The following PLOD2 variants were observed in gnomAD, a reference collection of about 807,000 sequenced individuals.
The protein encoded by PLOD2 is lysine hydroxylase 2.
A neutral mutation model predicts 101.0 loss-of-function variants in PLOD2; 65 were observed. That is an observed-to-expected ratio of 0.64 (90% CI 0.53 to 0.79). The LOEUF (loss-of-function observed/expected upper bound fraction) is 0.79, where lower values mean the gene tolerates loss of function less well. Ranked by LOEUF, PLOD2 falls within the 30% of genes least tolerant of loss-of-function variation. The pLI is 0.00. For synonymous variants in PLOD2, 314 were observed against 302.9 expected, an observed-to-expected ratio of 1.04 and a Z score of -0.38; for missense variants, 909 against 914.6, an observed-to-expected ratio of 0.99 and a Z score of 0.08.
intron 4 of PLOD2, among the ~76,000 whole-genome samples, chr3:146,108,390 C>T (rs1022087338): frequency 6.6e-6 from 1 of 152,054 alleles, no homozygotes; most frequent in Non-Finnish European, 1.5e-5. Context: ...CCCTACGTTG[C>T]ACAGCCTGGC....
At chr3:146,077,170 T>C in intron 14 of PLOD2, 1 of 1,056,830 alleles carries the variant, frequency 9.5e-7, no homozygotes, top group Non-Finnish European at 1.1e-6. Context: ...TGATCCTAGA[T>C]GTAGACATCG....
chr3:146,119,562 A>G lies in PLOD2; in HGVS notation c.338+1550T>C, dbSNP rs942442453. Among the ~76,000 whole-genome samples, 3 of 151,962 alleles carry G rather than the reference A, an allele frequency of 2.0e-5. No individual in the cohort carries two copies. In the South Asian group the frequency reaches 6.2e-4, roughly 32 times the overall value. The stretch of plus-strand genomic sequence containing the variant: ...ACCCAGTAACTTGTCATTTAACATT[A>G]GGTATATCTCCTAATGCTATCCCTC... On this transcript the variant is annotated intron_variant, in intron 3 of 19. Coordinates refer to ENST00000282903, the MANE Select transcript of PLOD2 (RefSeq NM_182943.3).
At chr3:146,129,679 T>G (rs948196702) in intron 1 of PLOD2, among the ~76,000 whole-genome samples, 1 of 152,212 alleles carries the variant, frequency 6.6e-6, no homozygotes, top group Admixed American at 6.5e-5. Flanking sequence ...CTGTAGGTGA[T>G]GTGCAAAACT....
In PLOD2 at chr3:146,086,885, G is replaced by A; in HGVS notation, c.1029C>T (p.Ile343=). The A allele has an allele frequency of 6.6e-7, 1 of 1,512,152 alleles. No individual in the cohort carries two copies. The highest frequency in any genetic ancestry group is 9.1e-7 in the Non-Finnish European group (1 of 1,101,150). The allele number at this position is 1,512,152 out of a possible 1,614,324, so 93.7% of individuals were successfully genotyped here. The change falls in exon 10 of 20, where the codon ATC becomes ATT. Residue 343 remains isoleucine, a synonymous_variant. Transcript: ENST00000282903. ...HNKEVYHEKD[I]KVFFDKAKHE... ...GCTTAGCTTTATCAAAAAATACCTT[G>A]ATGTCCTTTTCATGATAAACTTCCT...
At chr3:146,118,368 C>A (rs1042887205) in intron 3 of PLOD2, among the ~76,000 whole-genome samples, 1 of 152,004 alleles carries the variant, frequency 6.6e-6, no homozygotes, top group African/African-American at 2.4e-5. Context: ...TGTTATGTAT[C>A]TTTTGAAAAT....
chr3:146,123,270 T>C, intron 2 of PLOD2: 1 of 1,140,482 alleles, frequency 8.8e-7, no homozygotes, highest in South Asian at 1.8e-5. Context: ...CCTACCTAGG[T>C]ATCTCCTTGT....
intron 10 of PLOD2, chr3:146,086,166 G>C (rs1936758371): frequency 6.6e-6 from 1 of 152,222 alleles, no homozygotes; most frequent in Admixed American, 6.6e-5. Context: ...AGGCATGAGG[G>C]TTCGTAGTAG....
At chr3:146,127,110 A>G (rs2030611948) in intron 1 of PLOD2, among the ~76,000 whole-genome samples, 1 of 152,232 alleles carries the variant, frequency 6.6e-6, no homozygotes, top group Admixed American at 6.5e-5. Flanking sequence ...GTTAAAAAAC[A>G]TAAAACTTTA....
intron 7 of PLOD2, among the ~76,000 whole-genome samples, chr3:146,101,474 G>A (rs1937387829): frequency 6.6e-6 from 1 of 152,204 alleles, no homozygotes; most frequent in African/African-American, 2.4e-5. Context: ...GAGCATTCAA[G>A]TAGGACCAAA....
intron 1 of PLOD2, among the ~76,000 whole-genome samples, chr3:146,154,380 G>A (rs1485999095): frequency 6.6e-6 from 1 of 151,770 alleles, no homozygotes; most frequent in East Asian, 1.9e-4. Context: ...TGTCACTTCT[G>A]TATTGATAAT....
chr3:146,088,079 T>C (rs777143125), intron 9 of PLOD2, among the ~76,000 whole-genome samples: 3 of 151,668 alleles, frequency 2.0e-5, no homozygotes, highest in Non-Finnish European at 4.4e-5. Flanking sequence ...TTGGATAATA[T>C]GTAGGAGGTA....
In PLOD2 at chr3:146,111,216, A is replaced by C. The variant is rs1035328847; in HGVS notation, c.339-768T>G. Among the ~76,000 whole-genome samples the C allele has an allele frequency of 3.9e-5, 6 of 152,204 alleles. 1 individual carries two copies. The highest frequency in any genetic ancestry group is 1.4e-4 in the African/African-American group (6 of 41,474). ...TGCAATAAGTTCTTTATTCATTACAATCACAAATTATTTTACATTTTTTTA... is the reference window on the plus strand; with the variant it reads ...TGCAATAAGTTCTTTATTCATTACACTCACAAATTATTTTACATTTTTTTA... On this transcript the variant is annotated intron_variant, in intron 3 of 19. Transcript: ENST00000282903.
chr3:146,133,054 T>C (rs1441656178), intron 1 of PLOD2, among the ~76,000 whole-genome samples: 1 of 152,098 alleles, frequency 6.6e-6, no homozygotes, highest in East Asian at 1.9e-4. Flanking sequence ...CTGGCACCTG[T>C]AGTCCCAGCT....
intron 8 of PLOD2, among the ~76,000 whole-genome samples, chr3:146,090,241 G>T (rs2108026915): frequency 6.6e-6 from 1 of 151,240 alleles, no homozygotes; most frequent in Non-Finnish European, 1.5e-5. Context: ...CATTATGATA[G>T]GCTTGGGATT....
At chr3:146,141,557 A>C (rs929812666) in intron 1 of PLOD2, among the ~76,000 whole-genome samples, 12 of 152,084 alleles carry the variant, frequency 7.9e-5, no homozygotes, top group African/African-American at 2.7e-4. Context: ...CTTTCAACAG[A>C]TACTGACATT....
At chr3:146,106,475 A>C (rs957521980) in intron 5 of PLOD2, 57 bp downstream of exon 5, 10 of 831,702 alleles carry the variant, frequency 1.2e-5, no homozygotes, top group Admixed American at 3.4e-5. Context: ...CATTAACACA[A>C]TATAACACAC....
At chr3:146,098,201 C>A (rs1937271609) in intron 7 of PLOD2, among the ~76,000 whole-genome samples, 1 of 152,028 alleles carries the variant, frequency 6.6e-6, no homozygotes, top group African/African-American at 2.4e-5. Context: ...GCACATGTAT[C>A]CAAGAACTTA....
chr3:146,072,110 A>C (rs1376840845), intron 17 of PLOD2, among the ~76,000 whole-genome samples: 1 of 151,734 alleles, frequency 6.6e-6, no homozygotes, highest in Non-Finnish European at 1.5e-5. Flanking sequence ...CAAATGCAAA[A>C]CTGAATTACA....
At chr3:146,109,150 G>A (rs145421140) in intron 4 of PLOD2, among the ~76,000 whole-genome samples, 262 of 152,304 alleles carry the variant, frequency 1.7e-3, no homozygotes, top group Middle Eastern at 6.8e-3. Context: ...TAAACCTTGG[G>A]TTCTCACTTG....
Sources: allele counts gnomAD v4.1 joint callset (sites outside exome capture counted in the v4.1 genomes callset), GRCh38; gene constraint gnomAD v4.1.1; transcripts MANE v1.5; gene names NCBI Gene and HGNC (gene_info 2026-07-23, HGNC 2026-07-21).